The following GALNT13 variants were observed in gnomAD, a reference collection of about 807,000 sequenced individuals.
The protein encoded by GALNT13 is UDP-GalNAc:polypeptide N-acetylgalactosaminyltransferase 13.
Under a neutral mutation model 64.2 loss-of-function variants are expected in GALNT13, and 28 were observed. That is an observed-to-expected ratio of 0.44 (90% CI 0.32 to 0.60). GALNT13 has a LOEUF of 0.60. Among genes scored for constraint, GALNT13 ranks in the 20% least tolerant of loss-of-function variants. GALNT13 has a pLI of 0.05. For missense variants in GALNT13, 577 were observed against 669.8 expected (o/e 0.86, Z 1.53); for synonymous variants, 214 against 224.6 (o/e 0.95, Z 0.42).
chr2:153,658,783 CT>C, the GALNT13 span, among the ~76,000 whole-genome samples: 73,465 of 149,322 alleles, frequency 0.49, 18,232 homozygotes, highest in Middle Eastern at 0.63. Context: ...ACTTTGCTTG[CT>C]TTTTTTTTTT....
chr2:153,956,210 A>G (rs1240749682), intron 3 of GALNT13, among the ~76,000 whole-genome samples: 1 of 152,236 alleles, frequency 6.6e-6, no homozygotes, highest in African/African-American at 2.4e-5. Context: ...TAGGCACAAC[A>G]GCAGTCATAA....
chr2:153,956,560 C>T (rs1021080583), intron 3 of GALNT13, among the ~76,000 whole-genome samples: 4 of 152,098 alleles, frequency 2.6e-5, no homozygotes, highest in Non-Finnish European at 5.9e-5. Flanking sequence ...ATTTACTATA[C>T]GAGATCCCTT....
chr2:153,325,719 A>G, the GALNT13 span, among the ~76,000 whole-genome samples: 5 of 152,182 alleles, frequency 3.3e-5, no homozygotes, highest in Admixed American at 6.5e-5. Context: ...TTGGTTTCAA[A>G]GAACTTATTT....
chr2:153,438,657 G>T, the GALNT13 span, among the ~76,000 whole-genome samples: 4 of 151,836 alleles, frequency 2.6e-5, no homozygotes, highest in Non-Finnish European at 5.9e-5. Context: ...TAGTTCTCGT[G>T]CCATGGTTTT....
chr2:153,916,120 C>CTTCCTTCG (rs1223108465), intron 2 of GALNT13, among the ~76,000 whole-genome samples: 1 of 146,844 alleles, frequency 6.8e-6, no homozygotes, highest in African/African-American at 2.5e-5. Flanking sequence ...TCCTCCCTTC[C>CTTCCTTCG]TTCCTTCGTT....
the GALNT13 span, among the ~76,000 whole-genome samples, chr2:153,411,291 G>A: frequency 1.3e-5 from 2 of 151,690 alleles, no homozygotes; most frequent in Admixed American, 1.3e-4. Flanking sequence ...ACTGGATTCA[G>A]TATAGGGGAT....
intron 6 of GALNT13, among the ~76,000 whole-genome samples, chr2:154,244,433 G>A (rs140944798): frequency 8.8e-4 from 134 of 152,258 alleles, no homozygotes; most frequent in African/African-American, 3.0e-3. Context: ...GATAAGTTGA[G>A]GCTCTGGTCA....
chr2:153,435,910 T>G, the GALNT13 span, among the ~76,000 whole-genome samples: 1 of 152,152 alleles, frequency 6.6e-6, no homozygotes, highest in Non-Finnish European at 1.5e-5. Context: ...TGTGCCAGTT[T>G]TCAAAGGGAA....
At chr2:153,954,197 G>A (rs141407776) in intron 3 of GALNT13, among the ~76,000 whole-genome samples, 1 of 152,176 alleles carries the variant, frequency 6.6e-6, no homozygotes, top group Non-Finnish European at 1.5e-5. Flanking sequence ...AAAACTAACA[G>A]CAAATTTTTA....
chr2:154,157,683 G>A (rs1684499678), intron 4 of GALNT13, among the ~76,000 whole-genome samples: 1 of 152,116 alleles, frequency 6.6e-6, no homozygotes, highest in African/African-American at 2.4e-5. Context: ...ACTCTCTTGA[G>A]CCATCTCCGT....
the GALNT13 span, among the ~76,000 whole-genome samples, chr2:153,106,100 A>G: frequency 8.9e-4 from 135 of 152,316 alleles, no homozygotes; most frequent in African/African-American, 2.9e-3. Flanking sequence ...AGAAGGGTTA[A>G]TTAAATAAAA....
rs375771805 is a variant in GALNT13 at position 154,140,306 on chromosome 2, A to G, written c.143-31A>G. 1.3e-5 allele frequency: 20 copies of G among 1,552,038 alleles called. No individual in the cohort carries two copies. The African/African-American group carries it at 1.9e-4, about 15-fold the overall frequency. ...TTCAGTTCATTATCTGTGTGTTTGTATGTATGTCTGTATCTCTGTATGTCT... is the reference window on the plus strand; with the variant it reads ...TTCAGTTCATTATCTGTGTGTTTGTGTGTATGTCTGTATCTCTGTATGTCT... On this transcript the variant is annotated intron_variant, in intron 3 of 12. Coordinates refer to ENST00000392825, the MANE Select transcript of GALNT13 (RefSeq NM_052917.4).
chr2:153,392,483 G>A, the GALNT13 span, among the ~76,000 whole-genome samples: 12 of 151,984 alleles, frequency 7.9e-5, no homozygotes, highest in Admixed American at 2.0e-4. Context: ...AATTTCTTAG[G>A]GAAAGATGTT....
chr2:153,467,041 A>G, the GALNT13 span, among the ~76,000 whole-genome samples: 3 of 152,074 alleles, frequency 2.0e-5, no homozygotes, highest in Admixed American at 2.0e-4. Flanking sequence ...AGGCATGTTC[A>G]TTGATATCAT....
the GALNT13 span, among the ~76,000 whole-genome samples, chr2:153,208,726 A>G: frequency 2.0e-5 from 3 of 152,150 alleles, no homozygotes; most frequent in African/African-American, 7.2e-5. Flanking sequence ...GTAATTATCA[A>G]ACTGTTTTCC....
At chr2:153,456,291 C>A in the GALNT13 span, among the ~76,000 whole-genome samples, 2 of 152,194 alleles carry the variant, frequency 1.3e-5, no homozygotes, top group South Asian at 4.1e-4. Context: ...ATCAGTACTA[C>A]CATCTCAGAG....
At chr2:154,133,512 T>C (rs542937582) in intron 3 of GALNT13, among the ~76,000 whole-genome samples, 1 of 141,070 alleles carries the variant, frequency 7.1e-6, no homozygotes, top group African/African-American at 2.7e-5. Context: ...CTAACTTTTT[T>C]TCAGTAACAT....
the GALNT13 span, among the ~76,000 whole-genome samples, chr2:153,566,517 G>A: frequency 6.6e-6 from 1 of 151,998 alleles, no homozygotes; most frequent in African/African-American, 2.4e-5. Flanking sequence ...ACCGCGCCCG[G>A]CTAATTTTTT....
intron 8 of GALNT13, among the ~76,000 whole-genome samples, chr2:154,270,380 T>C (rs1023339051): frequency 3.9e-5 from 6 of 151,982 alleles, no homozygotes; most frequent in African/African-American, 9.7e-5. Context: ...CTGGTTCTCT[T>C]TTATATTCAT....
Sources: allele counts gnomAD v4.1 joint callset (sites outside exome capture counted in the v4.1 genomes callset), GRCh38; gene constraint gnomAD v4.1.1; transcripts MANE v1.5; gene names NCBI Gene and HGNC (gene_info 2026-07-23, HGNC 2026-07-21).